RBPJL: variants seen among roughly 807,000 people sequenced by gnomAD.
The protein encoded by RBPJL is recombining binding protein suppressor of hairless-like protein.
In RBPJL, 50 loss-of-function variants were observed where a neutral mutation model predicts 57.6. The observed-to-expected ratio is 0.87, with a 90% CI of 0.69 to 1.10. The LOEUF is 1.10. Ranked by LOEUF, RBPJL falls within the 50% of genes least tolerant of loss-of-function variation. The pLI is 0.00. For missense variants in RBPJL, 684 were observed against 693.7 expected, an observed-to-expected ratio of 0.99 and a Z score of 0.16; for synonymous variants, 303 against 294.4, an observed-to-expected ratio of 1.03 and a Z score of -0.30.
intron 1 of RBPJL, among the ~76,000 whole-genome samples, 197 bp downstream of exon 1, chr20:45,307,141 A>G (rs949771159): frequency 1.3e-5 from 2 of 151,950 alleles, no homozygotes; most frequent in African/African-American, 4.8e-5. Flanking sequence ...CCTAGAATTC[A>G]CTAAACCTCA....
Position 45,312,371 on chromosome 20 carries a change from A to C in RBPJL, c.595A>C (p.Lys199Gln), listed in dbSNP as rs1471728188. Residue 199 changes from lysine to glutamine, a missense_variant, in exon 6 of 12, where the codon AAG becomes CAG. Coordinates refer to ENST00000343694, the MANE Select transcript of RBPJL (RefSeq NM_014276.4). ...IKVISKPSQK[K>Q]QSLKNTDLCI... ...GGTCATCTCGAAGCCCTCGCAGAAGAAGCAGTCGCTGAAAAACACCGATCG... is the reference window on the plus strand; with the variant it reads ...GGTCATCTCGAAGCCCTCGCAGAAGCAGCAGTCGCTGAAAAACACCGATCG... 7 of 1,613,908 alleles carry C rather than the reference A, an allele frequency of 4.3e-6. No homozygotes were observed. Among genetic ancestry groups the C allele is most frequent in the Admixed American group, 1.7e-5 (1 of 60,000 alleles).
rs1266508248 is a variant in RBPJL at position 45,311,862 on chromosome 20, C to A, written c.352C>A (p.Pro118Thr). ...AGCTCACCAGGCGGGGGAAACGGGG[C>A]CCACGGTCTGCGGTTACATGGGACT... ...DQAHQAGETG[P>T]TVCGYMGLDS... Residue 118 changes from proline to threonine, a missense_variant, in exon 5 of 12, where the codon CCC (proline) becomes ACC (threonine). Coordinates refer to ENST00000343694, the MANE Select transcript of RBPJL (RefSeq NM_014276.4). 6 of 1,551,710 alleles carry A rather than the reference C, an allele frequency of 3.9e-6. No individual in the cohort carries two copies. The highest frequency in any genetic ancestry group is 3.3e-4 in the Middle Eastern group (2 of 5,992).
intron 6 of RBPJL, 30 bp downstream of exon 6, chr20:45,312,425 C>T (rs912075186): frequency 1.7e-5 from 27 of 1,596,734 alleles, no homozygotes; most frequent in Non-Finnish European, 2.1e-5. Context: ...ACCCCCGGCC[C>T]GGGCGGGGAG....
chr20:45,311,477 A>G lies in RBPJL; in HGVS notation c.258-112A>G, dbSNP rs192978478. 9.0e-3 allele frequency: 8,348 copies of G among 924,788 alleles called. 69 individuals are homozygous for G. The highest frequency in any genetic ancestry group is 0.013 in the Non-Finnish European group (7,342 of 585,346). 57.3% of individuals were successfully genotyped at this position (924,788 alleles called of 1,614,324 possible). ...ACAGTCGTGAAAAAGCGTTGCGGGGAGCGGGAGGAGGAAACGAAGGTTCTG... is the reference window on the plus strand; with the variant it reads ...ACAGTCGTGAAAAAGCGTTGCGGGGGGCGGGAGGAGGAAACGAAGGTTCTG... On this transcript the variant is annotated intron_variant, in intron 3 of 11. Transcript: ENST00000343694.
chr20:45,312,114 G>C (rs527336991), intron 5 of RBPJL, 107 bp from the exon 6 acceptor site: 14 of 1,478,804 alleles, frequency 9.5e-6, no homozygotes, highest in Non-Finnish European at 1.3e-5. Flanking sequence ...GGATGGTGGA[G>C]CTTCTGGTCA....
Position 45,314,437 on chromosome 20 carries a change from T to A in RBPJL, c.892T>A (p.Cys298Ser), listed in dbSNP as rs199944613. The A allele has an allele frequency of 1.2e-6, 2 of 1,614,070 alleles. No individual in the cohort carries two copies. Among genetic ancestry groups the A allele is most frequent in the East Asian group, 4.5e-5 (2 of 44,882 alleles). ...PMIIRKVAKQ[C>S]ALLDVDEPIS... Reference sequence around the variant, plus strand: ...GATCATCCGTAAAGTAGCAAAACAGTGTGCGCTCCTTGATGTGGATGAGCC... The same window carrying A: ...GATCATCCGTAAAGTAGCAAAACAGAGTGCGCTCCTTGATGTGGATGAGCC... The change falls in exon 9 of 12, where the codon TGT (cysteine) becomes AGT (serine). Residue 298 changes from cysteine to serine, a missense_variant. Transcript: ENST00000343694.
intron 6 of RBPJL, 125 bp downstream of exon 6, chr20:45,312,520 C>G: frequency 1.0e-6 from 1 of 960,326 alleles, no homozygotes; most frequent in Non-Finnish European, 1.5e-6. Flanking sequence ...AAGGTGGAGT[C>G]GGAGCCGAGA....
At chr20:45,315,397 A>G (rs1832965285) in intron 9 of RBPJL, among the ~76,000 whole-genome samples, 2 of 145,882 alleles carry the variant, frequency 1.4e-5, no homozygotes, top group South Asian at 2.2e-4. Flanking sequence ...GAATTGCACA[A>G]TGTTAAAAAA....
In RBPJL at chr20:45,309,559, A is replaced by G. The variant is rs1220154514; in HGVS notation, c.132-8A>G. 2 of 1,602,098 alleles carry G rather than the reference A, an allele frequency of 1.2e-6. No individual in the cohort carries two copies. Among genetic ancestry groups the G allele is most frequent in the East Asian group, 4.6e-5 (2 of 43,942 alleles). On this transcript the variant is annotated splice_polypyrimidine_tract_variant and splice_region_variant and intron_variant, in intron 2 of 11. Coordinates refer to ENST00000343694, the MANE Select transcript of RBPJL (RefSeq NM_014276.4). ...TGTGGCTGGTCGACCTGCCTGCCCTACTCCCAGGTCATCCCCAGAGCACAC... is the reference window on the plus strand; with the variant it reads ...TGTGGCTGGTCGACCTGCCTGCCCTGCTCCCAGGTCATCCCCAGAGCACAC...
intron 2 of RBPJL, 62 bp downstream of exon 2, chr20:45,308,313 G>A: frequency 8.9e-7 from 1 of 1,118,204 alleles, no homozygotes. Context: ...GCACACAGAG[G>A]CAACGGCCGC....
intron 7 of RBPJL, among the ~76,000 whole-genome samples, 157 bp downstream of exon 7, chr20:45,313,762 T>C (rs981574182): frequency 1.3e-5 from 2 of 152,172 alleles, no homozygotes; most frequent in African/African-American, 4.8e-5. Flanking sequence ...CTGGTGACTG[T>C]TCCAAGCTAT....
rs542005777 is a variant in RBPJL at position 45,307,620 on chromosome 20, T to C, written c.23-523T>C. Among the ~76,000 whole-genome samples the C allele has an allele frequency of 1.1e-3, 163 of 152,314 alleles. 2 individuals carry two copies. The South Asian group carries it at 0.015, about 14-fold the overall frequency. ...CTTGGTTAAGGTTCCCCTCATCCCA[T>C]TCTTGGTCTGAGCCAACTTCTCACC... On this transcript the variant is annotated intron_variant, in intron 1 of 11. Transcript: ENST00000343694.
intron 9 of RBPJL, among the ~76,000 whole-genome samples, chr20:45,315,637 C>T (rs779681290): frequency 3.3e-5 from 5 of 150,576 alleles, no homozygotes; most frequent in Middle Eastern, 3.2e-3. Context: ...GCTACCCGGG[C>T]GCCTGAGGCA....
Position 45,317,081 on chromosome 20 carries a change from C to T in RBPJL, c.*122C>T, listed in dbSNP as rs1364853707. The T allele has an allele frequency of 1.5e-5, 19 of 1,269,626 alleles. No homozygotes were observed. The highest frequency in any genetic ancestry group is 9.3e-5 in the Admixed American group (4 of 43,140). The allele number at this position is 1,269,626 out of a possible 1,614,324, so 78.6% of individuals were successfully genotyped here. ...TTTGCTGCAGAAGGGCAGCTGAAGG[C>T]TCACCCTAGAAACCGGGCCTGGTGG... On this transcript the variant is annotated 3_prime_UTR_variant, in exon 12 of 12. Coordinates refer to ENST00000343694, the MANE Select transcript of RBPJL (RefSeq NM_014276.4).
Position 45,314,086 on chromosome 20 carries a change from G to C in RBPJL, c.809G>C (p.Arg270Pro). 1.2e-6 allele frequency: 2 copies of C among 1,614,222 alleles called. No homozygotes were observed. The highest frequency in any genetic ancestry group is 1.7e-6 in the Non-Finnish European group (2 of 1,180,046). ...GDFPPREGYV[R>P]YGSLVQLVCT... ...TTCCCACCGCGAGAGGGCTACGTTC[G>C]CTATGGCTCCCTGGTGCAGCTCGTC... The change falls in exon 8 of 12, where the codon CGC (arginine) becomes CCC (proline). Residue 270 changes from arginine to proline, a missense_variant. Coordinates refer to ENST00000343694, the MANE Select transcript of RBPJL (RefSeq NM_014276.4).
chr20:45,316,334 AC>A lies in RBPJL; in HGVS notation c.1171del (p.Leu391Ter). On this transcript the variant is annotated frameshift_variant, in exon 10 of 12. Transcript: ENST00000343694. LOFTEE classifies it high-confidence loss of function. ...GGTCACTCCGGTGCCTCTCATCAGC[AC>A]CCTAGAGGTGAAGCCGGGCGCTAGG... ...EPVTPVPLISTLELSGGGDVA... is the reference protein window; with the variant it reads ...EPVTPVPLISXLELSGGGDVA... The A allele has an allele frequency of 6.2e-7, 1 of 1,613,330 alleles. No individual in the cohort carries two copies. The highest frequency in any genetic ancestry group is 1.1e-5 in the South Asian group (1 of 91,070).
chr20:45,314,832 C>T (rs1051444162), intron 9 of RBPJL, among the ~76,000 whole-genome samples: 1 of 152,106 alleles, frequency 6.6e-6, no homozygotes, highest in African/African-American at 2.4e-5. Context: ...CCTGTAATCC[C>T]AGCACTTTGC....
rs1987464510 is a variant in RBPJL, at chr20:45,316,348, G to A, written c.1176+6G>A. On this transcript the variant is annotated splice_donor_region_variant and intron_variant, in intron 10 of 11. Coordinates refer to ENST00000343694, the MANE Select transcript of RBPJL (RefSeq NM_014276.4). Reference sequence around the variant, plus strand: ...CTCTCATCAGCACCCTAGAGGTGAAGCCGGGCGCTAGGGGCGTTGGGCAGG... The same window carrying A: ...CTCTCATCAGCACCCTAGAGGTGAAACCGGGCGCTAGGGGCGTTGGGCAGG... 10 of 1,613,328 alleles carry A rather than the reference G, an allele frequency of 6.2e-6. No individual in the cohort carries two copies. The highest frequency in any genetic ancestry group is 1.7e-4 in the Middle Eastern group (1 of 6,032).
Position 45,316,198 on chromosome 20 carries a change from C to T in RBPJL, c.1032C>T (p.Cys344=), listed in dbSNP as rs887730296. The change falls in exon 10 of 12, where the codon TGC becomes TGT. Residue 344 remains cysteine (C), a synonymous_variant. Coordinates refer to ENST00000343694, the MANE Select transcript of RBPJL (RefSeq NM_014276.4). The stretch of plus-strand genomic sequence containing the variant: ...GGGTCTCCTCCCAGGCCTCTCCCTG[C>T]CCCAAGGAGGCGAACAGGGCTCTGC... ...EKVVQFQASP[C]PKEANRALLN... 1 of 1,613,796 alleles carries T rather than the reference C, an allele frequency of 6.2e-7. No individual in the cohort carries two copies. The highest frequency in any genetic ancestry group is 8.5e-7 in the Non-Finnish European group (1 of 1,179,818).
Sources: allele counts gnomAD v4.1 joint callset (sites outside exome capture counted in the v4.1 genomes callset), GRCh38; gene constraint gnomAD v4.1.1; transcripts MANE v1.5; gene names NCBI Gene and HGNC (gene_info 2026-07-23, HGNC 2026-07-21).